NOTCH2: variants seen among roughly 807,000 people sequenced by gnomAD.
NOTCH2 encodes the protein notch receptor 2.
Under a neutral mutation model 235.8 loss-of-function variants are expected in NOTCH2, and 29 were observed. That is an observed-to-expected ratio of 0.12 (90% CI 0.09 to 0.17). NOTCH2 has a LOEUF of 0.17. NOTCH2 is among the 10% of genes least tolerant of loss of function. The pLI, the probability that NOTCH2 is intolerant of heterozygous loss-of-function variation, is 1.00. For synonymous variants in NOTCH2, 1,086 were observed against 1,141.5 expected (o/e 0.95, Z 0.98); for missense variants, 2,285 against 3,150.2 (o/e 0.73, Z 6.57).
At chr1:119,946,945 G>A (rs1298468700) in intron 17 of NOTCH2, among the ~76,000 whole-genome samples, 3 of 152,058 alleles carry the variant, frequency 2.0e-5, no homozygotes, top group Admixed American at 6.5e-5. Context: ...GCTAACCTAC[G>A]AACCTACAAC....
Position 119,996,986 on chromosome 1 carries a change from G to C in NOTCH2, c.751+11C>G, listed in dbSNP as rs2101210381. 6.2e-7 allele frequency: 1 copy of C among 1,612,674 alleles called. No individual in the cohort carries two copies. The highest frequency in any genetic ancestry group is 8.5e-7 in the Non-Finnish European group (1 of 1,179,036). ...TGTCCCCTAATCCTGGGACACTAGGGAGCTCCTTACCTGGAAGGCAGTTGC... is the reference window on the plus strand; with the variant it reads ...TGTCCCCTAATCCTGGGACACTAGGCAGCTCCTTACCTGGAAGGCAGTTGC... On this transcript the variant is annotated intron_variant, in intron 4 of 33. Transcript: ENST00000256646.
intron 2 of NOTCH2, among the ~76,000 whole-genome samples, chr1:120,026,991 G>T (rs1339025560): frequency 7.7e-6 from 1 of 130,582 alleles, no homozygotes; most frequent in East Asian, 2.3e-4. Flanking sequence ...TCGCTCTGTC[G>T]CTCAGGCTGG....
intron 21 of NOTCH2, among the ~76,000 whole-genome samples, chr1:119,936,189 T>C (rs1553195709): frequency 6.6e-6 from 1 of 152,186 alleles, no homozygotes; most frequent in African/African-American, 2.4e-5. Context: ...TTGGACACTT[T>C]GACAGGTTTG....
Position 119,925,784 on chromosome 1 carries a change from G to A in NOTCH2, c.4032C>T (p.Ser1344=). ...PPGFSGARCQ[S]SCGQVKCRKG... ...TCCTACATTTCACTTGTCCACAGCT[G>A]CTCTGGCACCTTGCCCCGGAAAATC... Residue 1344 remains serine (S), a synonymous_variant, in exon 25 of 34, where the codon AGC becomes AGT. Transcript: ENST00000256646. 1 of 1,614,140 alleles carries A rather than the reference G, an allele frequency of 6.2e-7. No individual in the cohort carries two copies. Among genetic ancestry groups the A allele is most frequent in the Middle Eastern group, 1.6e-4 (1 of 6,062 alleles).
intron 4 of NOTCH2, among the ~76,000 whole-genome samples, chr1:119,988,776 C>T (rs1170864304): frequency 6.6e-6 from 1 of 152,136 alleles, no homozygotes; most frequent in African/African-American, 2.4e-5. Context: ...TGATCATCCT[C>T]CCCTAACTCG....
intron 4 of NOTCH2, chr1:119,995,930 T>C (rs1213334773): frequency 6.6e-6 from 1 of 152,388 alleles, no homozygotes; most frequent in Admixed American, 6.5e-5. Context: ...TCCCATTATA[T>C]GTGAACCATA....
At chr1:119,940,900 T>C (rs1434004316) in intron 18 of NOTCH2, 144 bp from the exon 19 acceptor site, 4 of 756,408 alleles carry the variant, frequency 5.3e-6, no homozygotes, top group East Asian at 2.7e-5. Flanking sequence ...ACAAGCTAGA[T>C]TGGGTGCCAG....
Position 119,915,459 on chromosome 1 carries a change from A to T in NOTCH2, c.7263T>A (p.Ser2421=), listed in dbSNP as rs369912969. 4.3e-5 allele frequency: 70 copies of T among 1,614,020 alleles called. No homozygotes were observed. The East Asian group carries it at 1.2e-3, about 27-fold the overall frequency. Residue 2421 remains serine (S), a synonymous_variant, in exon 34 of 34, where the codon TCT becomes TCA. Coordinates refer to ENST00000256646, the MANE Select transcript of NOTCH2 (RefSeq NM_024408.4). The part of the protein sequence containing the change: ...EHPYLTPSPE[S]PDQWSSSSPH... ...GTGATGAACTTGACCACTGGTCAGG[A>T]GACTCTGGGGATGGTGTCAGGTAGG...
chr1:119,964,986 C>T (rs987052174), intron 10 of NOTCH2, among the ~76,000 whole-genome samples: 6 of 152,242 alleles, frequency 3.9e-5, no homozygotes, highest in South Asian at 2.1e-4. Flanking sequence ...GTCATTTACA[C>T]ACTTGACTCT....
At position 119,915,243 on chromosome 1, in the gene NOTCH2, T is replaced by C; in HGVS notation, c.*63A>G. On this transcript the variant is annotated 3_prime_UTR_variant, in exon 34 of 34. Transcript: ENST00000256646. ...TCTTCATTTCTCTCCCGGATGACCTTCATTTGTTCCTCAGCAGCATTTACA... is the reference window on the plus strand; with the variant it reads ...TCTTCATTTCTCTCCCGGATGACCTCCATTTGTTCCTCAGCAGCATTTACA... The C allele has an allele frequency of 6.5e-7, 1 of 1,537,006 alleles. No homozygotes were observed. Among genetic ancestry groups the C allele is most frequent in the South Asian group, 1.1e-5 (1 of 89,190 alleles).
chr1:120,043,736 TACACATGCCCTAATGACTA>T (rs1308142920), intron 1 of NOTCH2, among the ~76,000 whole-genome samples: 1 of 144,226 alleles, frequency 6.9e-6, no homozygotes, highest in African/African-American at 2.6e-5. Context: ...CTACCACTCA[TACACATGCCCTAATGACTA>T]ACACCCATTG....
At chr1:119,948,639 G>A (rs1650346051) in intron 16 of NOTCH2, 73 bp from the exon 17 acceptor site, 1 of 1,555,792 alleles carries the variant, frequency 6.4e-7, no homozygotes, top group South Asian at 1.1e-5. Context: ...CAGGACCTGA[G>A]CTTAGTTGGG....
chr1:119,957,872 ACACACACACAC>A (rs1392925901), intron 12 of NOTCH2, among the ~76,000 whole-genome samples: 1 of 150,170 alleles, frequency 6.7e-6, no homozygotes, highest in African/African-American at 2.4e-5. Context: ...ACACACACAC[ACACACACACAC>A]AACAGGCCCC....
intron 17 of NOTCH2, among the ~76,000 whole-genome samples, chr1:119,947,068 A>C (rs1434045622): frequency 1.3e-5 from 2 of 152,166 alleles, no homozygotes; most frequent in Admixed American, 6.5e-5. Context: ...GTAAGAGCTA[A>C]AATTACACAA....
rs369586235 is a variant in NOTCH2 at position 119,919,302 on chromosome 1, T to C, written c.5781+10A>G. On this transcript the variant is annotated intron_variant, in intron 31 of 33. Coordinates refer to ENST00000256646, the MANE Select transcript of NOTCH2 (RefSeq NM_024408.4). The stretch of plus-strand genomic sequence containing the variant: ...ATTATTATTCAAGTGACTCTTCTCA[T>C]GTTCTTTACCTGGAAGACACCTTGG... 6.8e-6 allele frequency: 11 copies of C among 1,607,956 alleles called. No individual in the cohort carries two copies. Among genetic ancestry groups the C allele is most frequent in the Non-Finnish European group, 8.5e-6 (10 of 1,178,638 alleles).
rs746551843 is a variant in NOTCH2, at chr1:119,916,544, G to A, written c.6178C>T (p.Arg2060Cys). 5.0e-5 allele frequency: 80 copies of A among 1,613,770 alleles called. No individual in the cohort carries two copies. Among genetic ancestry groups the A allele is most frequent in the Non-Finnish European group, 6.4e-5 (76 of 1,179,776 alleles). The change falls in exon 34 of 34, where the codon CGC (arginine) becomes TGC (cysteine). Residue 2060 changes from arginine (R) to cysteine (C), a missense_variant. Arg to Cys is a radical substitution (Grantham distance 180, BLOSUM62 -3). Around this residue, in one of 6 missense-constraint regions of NOTCH2, gnomAD observed 504 missense variants for 538.0 expected, o/e 0.94. Transcript: ENST00000256646. Reference sequence around the variant, plus strand: ...GTCACATTGTATTCATCCAGAAGGCGCACAATGTCATGGTGCATGCGATCC... The same window carrying A: ...GTCACATTGTATTCATCCAGAAGGCACACAATGTCATGGTGCATGCGATCC... ...ARDRMHHDIVRLLDEYNVTPS... is the reference protein window; with the variant it reads ...ARDRMHHDIVCLLDEYNVTPS...
At chr1:119,933,265 A>G (rs1649730094) in intron 22 of NOTCH2, among the ~76,000 whole-genome samples, 1 of 152,228 alleles carries the variant, frequency 6.6e-6, no homozygotes, top group African/African-American at 2.4e-5. Context: ...ATGCAGGCAA[A>G]GATCTAAGGC....
At chr1:119,999,755 G>A (rs61786991) in intron 3 of NOTCH2, among the ~76,000 whole-genome samples, 1 of 152,068 alleles carries the variant, frequency 6.6e-6, no homozygotes, top group African/African-American at 2.4e-5. Flanking sequence ...TATGGCGCAT[G>A]CCTGTAATCC....
At chr1:119,983,302 C>T (rs903205653) in intron 5 of NOTCH2, among the ~76,000 whole-genome samples, 6 of 151,444 alleles carry the variant, frequency 4.0e-5, no homozygotes, top group Admixed American at 6.6e-5. Flanking sequence ...TACAGGTGCA[C>T]GCCACCACAC....
Sources: allele counts gnomAD v4.1 joint callset (sites outside exome capture counted in the v4.1 genomes callset), GRCh38; gene constraint gnomAD v4.1.1; regional missense constraint gnomAD v4.1.1; transcripts MANE v1.5; gene names NCBI Gene and HGNC (gene_info 2026-07-23, HGNC 2026-07-21).